CSRNP3: variants seen among roughly 807,000 people sequenced by gnomAD.
CSRNP3 encodes the protein cysteine/serine-rich nuclear protein 3.
In CSRNP3, 12 loss-of-function variants were observed where a neutral mutation model predicts 48.0. The observed-to-expected ratio is 0.25, with a 90% CI of 0.16 to 0.41. The LOEUF (loss-of-function observed/expected upper bound fraction) is 0.41. CSRNP3 is among the 10% of genes least tolerant of loss of function. CSRNP3 has a pLI of 1.00. For synonymous variants in CSRNP3, 263 were observed against 269.7 expected (o/e 0.98, Z 0.24); for missense variants, 580 against 724.4 (o/e 0.80, Z 2.29).
At position 165,521,818 on chromosome 2, in the gene CSRNP3, A is replaced by G. The variant is rs559560655; in HGVS notation, c.-24+3857A>G. 5.3e-5 allele frequency among the ~76,000 whole-genome samples: 8 copies of G among 152,288 alleles called. No individual in the cohort carries two copies. The South Asian group carries it at 1.7e-3, about 32-fold the overall frequency. Reference sequence around the variant, plus strand: ...TAGATGCCATTGGCACTTCATCTTTAGTTATGACAAACAAAAATGTCTTCA... The same window carrying G: ...TAGATGCCATTGGCACTTCATCTTTGGTTATGACAAACAAAAATGTCTTCA... On this transcript the variant is annotated intron_variant, in intron 3 of 6. Transcript: ENST00000651982.
chr2:165,688,577 AC>A lies in CSRNP3; in HGVS notation c.*8825del, dbSNP rs1250917299. Reference sequence around the variant, plus strand: ...GTCTTCATCTTGATCATAGTTTTAGACATCAACTATGTCTCACTTTCCAACT... The same window carrying A: ...GTCTTCATCTTGATCATAGTTTTAGAATCAACTATGTCTCACTTTCCAACT... On this transcript the variant is annotated 3_prime_UTR_variant, in exon 7 of 7. Transcript: ENST00000651982. 2 of 152,164 alleles carry A rather than the reference AC, an allele frequency of 1.3e-5. No homozygotes were observed. The highest frequency in any genetic ancestry group is 2.9e-5 in the Non-Finnish European group (2 of 68,020). The allele number at this position is 152,164 out of a possible 1,614,324, so 9.4% of individuals were successfully genotyped here. A position where few individuals can be genotyped will look rare whatever the true frequency, so the allele number is the denominator to read the frequency against.
intron 1 of CSRNP3, among the ~76,000 whole-genome samples, chr2:165,487,697 G>T (rs1007400601): frequency 6.8e-6 from 1 of 146,820 alleles, no homozygotes; most frequent in Admixed American, 6.8e-5. Context: ...GCCAAGCTAA[G>T]CTTCATAAGT....
At position 165,530,272 on chromosome 2, in the gene CSRNP3, A is replaced by G. The variant is rs371429927; in HGVS notation, c.-24+12311A>G. Reference sequence around the variant, plus strand: ...TTATATATGCCTTGGGGTATCTGTCAATCAGTTTCAATTACTAATCTGAAA... The same window carrying G: ...TTATATATGCCTTGGGGTATCTGTCGATCAGTTTCAATTACTAATCTGAAA... On this transcript the variant is annotated intron_variant, in intron 3 of 6. Coordinates refer to ENST00000651982, the MANE Select transcript of CSRNP3 (RefSeq NM_001172173.2). 3.9e-5 allele frequency among the ~76,000 whole-genome samples: 6 copies of G among 152,260 alleles called. 1 individual carries two copies. The East Asian group carries it at 5.8e-4, about 15-fold the overall frequency.
intron 3 of CSRNP3, among the ~76,000 whole-genome samples, chr2:165,580,045 C>T (rs1685517053): frequency 6.6e-6 from 1 of 151,536 alleles, no homozygotes; most frequent in Non-Finnish European, 1.5e-5. Flanking sequence ...TCTCCTGCCT[C>T]AGCCTCCTGA....
intron 4 of CSRNP3, among the ~76,000 whole-genome samples, chr2:165,610,391 G>T (rs1275354398): frequency 6.6e-6 from 1 of 152,122 alleles, no homozygotes; most frequent in African/African-American, 2.4e-5. Context: ...CATTTTAAAT[G>T]AGATAAGCTC....
At chr2:165,537,589 C>T (rs1449621760) in intron 3 of CSRNP3, among the ~76,000 whole-genome samples, 1 of 151,306 alleles carries the variant, frequency 6.6e-6, no homozygotes, top group Admixed American at 6.6e-5. Flanking sequence ...GAATTATTAG[C>T]AATTATTCAG....
rs993303261 is a variant in CSRNP3 at position 165,504,259 on chromosome 2, G to A, written c.-113+9331G>A. Among the ~76,000 whole-genome samples the A allele has an allele frequency of 3.5e-4, 53 of 151,938 alleles. 1 individual carries two copies. Among genetic ancestry groups the A allele is most frequent in the East Asian group, 1.9e-4 (1 of 5,186 alleles). On this transcript the variant is annotated intron_variant, in intron 2 of 6. Transcript: ENST00000651982. ...ACAGCACTACCAATAACCCTCTTGC[G>A]TCTGATCCTTCATTTTAATGCTGAA...
rs1684601733 is a variant in CSRNP3 at position 165,517,873 on chromosome 2, GA to G, written c.-106del. The G allele has an allele frequency of 6.6e-6, 1 of 152,074 alleles. No homozygotes were observed. Among genetic ancestry groups the G allele is most frequent in the African/African-American group, 2.4e-5 (1 of 41,360 alleles). The allele number at this position is 152,074 out of a possible 1,614,324, so 9.4% of individuals were successfully genotyped here. On this transcript the variant is annotated splice_region_variant and 5_prime_UTR_variant, in exon 3 of 7. In the 5' UTR this introduces an upstream ATG that the reference lacks. Coordinates refer to ENST00000651982, the MANE Select transcript of CSRNP3 (RefSeq NM_001172173.2). ...TCTGAAACGTATTTTCTTTTTTAAGGAAAAAATGAGGAAATATCAACAGACT... is the reference window on the plus strand; with the variant it reads ...TCTGAAACGTATTTTCTTTTTTAAGGAAAAATGAGGAAATATCAACAGACT...
intron 1 of CSRNP3, among the ~76,000 whole-genome samples, chr2:165,478,285 C>T (rs1683995433): frequency 6.6e-6 from 1 of 152,060 alleles, no homozygotes; most frequent in Admixed American, 6.6e-5. Flanking sequence ...ATAAAAATAG[C>T]TCCAATGTTT....
At chr2:165,528,220 A>G (rs1315463878) in intron 3 of CSRNP3, among the ~76,000 whole-genome samples, 2 of 152,182 alleles carry the variant, frequency 1.3e-5, no homozygotes, top group Non-Finnish European at 2.9e-5. Context: ...TTTGGATATT[A>G]ACTCCCTATC....
At chr2:165,548,895 C>T (rs1020871209) in intron 3 of CSRNP3, among the ~76,000 whole-genome samples, 2 of 151,752 alleles carry the variant, frequency 1.3e-5, no homozygotes, top group Non-Finnish European at 2.9e-5. Flanking sequence ...CAGAACTACT[C>T]CTTTAGGAAT....
At chr2:165,609,062 G>A (rs746369379) in intron 4 of CSRNP3, among the ~76,000 whole-genome samples, 1 of 150,676 alleles carries the variant, frequency 6.6e-6, no homozygotes, top group Non-Finnish European at 1.5e-5. Context: ...AGCTGAGATG[G>A]CGCCACTGCA....
intron 5 of CSRNP3, among the ~76,000 whole-genome samples, chr2:165,672,057 C>T (rs1465385946): frequency 1.3e-5 from 2 of 152,198 alleles, no homozygotes; most frequent in Non-Finnish European, 2.9e-5. Flanking sequence ...AGCCATTCAA[C>T]AAGTCTCTAG....
intron 3 of CSRNP3, among the ~76,000 whole-genome samples, chr2:165,520,820 TA>T (rs1684649485): frequency 7.8e-6 from 1 of 128,242 alleles, no homozygotes; most frequent in African/African-American, 3.0e-5. Flanking sequence ...TATATATATA[TA>T]TATATACATA....
chr2:165,507,340 T>A (rs77121525), intron 2 of CSRNP3, among the ~76,000 whole-genome samples: 1 of 152,152 alleles, frequency 6.6e-6, no homozygotes. Context: ...TTCCAAAATA[T>A]GGCAACCTCT....
intron 1 of CSRNP3, among the ~76,000 whole-genome samples, chr2:165,484,509 TAAATC>T (rs1684087326): frequency 6.6e-6 from 1 of 152,218 alleles, no homozygotes; most frequent in East Asian, 1.9e-4. Flanking sequence ...CTAGAAAATA[TAAATC>T]AAGTCATCTG....
At chr2:165,667,259 C>G (rs35200437) in intron 5 of CSRNP3, among the ~76,000 whole-genome samples, 1 of 152,004 alleles carries the variant, frequency 6.6e-6, no homozygotes, top group African/African-American at 2.4e-5. Flanking sequence ...GCCCAAGATG[C>G]AGATCTCATT....
At chr2:165,629,182 G>A (rs557669188) in intron 4 of CSRNP3, among the ~76,000 whole-genome samples, 1 of 152,306 alleles carries the variant, frequency 6.6e-6, no homozygotes, top group South Asian at 2.1e-4. Context: ...CATTTTCACA[G>A]ATAATCTCTG....
chr2:165,666,526 G>T lies in CSRNP3; in HGVS notation c.408+8506G>T, dbSNP rs570474831. On this transcript the variant is annotated intron_variant, in intron 5 of 6. Transcript: ENST00000651982. The stretch of plus-strand genomic sequence containing the variant: ...AGAGAGAGAGGAAGAAAGAAAGACA[G>T]AGAGAGGAAGGAAGGAAGGAAGGAA... Among the ~76,000 whole-genome samples, 21 of 47,824 alleles carry T rather than the reference G, an allele frequency of 4.4e-4. 1 individual carries two copies. The highest frequency in any genetic ancestry group is 1.2e-3 in the African/African-American group (21 of 17,358). The allele number at this position is 47,824 out of a possible 152,430, so 31.4% of individuals were successfully genotyped here. A position where few individuals can be genotyped will look rare whatever the true frequency, so the allele number is the denominator to read the frequency against.
Sources: gnomAD v4.1 joint callset for allele counts (sites outside exome capture counted in the v4.1 genomes callset) on GRCh38, gnomAD v4.1.1 for gene constraint, MANE v1.5 for transcripts, NCBI Gene and HGNC (gene_info 2026-07-23, HGNC 2026-07-21) for gene names.